CACNA2D3: variants seen among roughly 807,000 people sequenced by gnomAD.
CACNA2D3 encodes the protein calcium voltage-gated channel auxiliary subunit alpha2delta 3.
CACNA2D3 carries 60 observed loss-of-function variants against 160.6 expected under a neutral mutation model. The observed-to-expected ratio is 0.37, with a 90% CI of 0.30 to 0.46. The LOEUF is 0.46. Ranked by LOEUF, CACNA2D3 falls within the 20% of genes least tolerant of loss-of-function variation. The pLI, the probability that CACNA2D3 is intolerant of heterozygous loss-of-function variation, is 1.00. For missense variants in CACNA2D3, 1,205 were observed against 1,365.0 expected, an observed-to-expected ratio of 0.88 and a Z score of 1.85; for synonymous variants, 558 against 492.9, an observed-to-expected ratio of 1.13 and a Z score of -1.75.
At chr3:54,286,653 G>GA (rs1353173810) in intron 2 of CACNA2D3, among the ~76,000 whole-genome samples, 1 of 152,082 alleles carries the variant, frequency 6.6e-6, no homozygotes, top group African/African-American at 2.4e-5. Flanking sequence ...TGAAATGAAG[G>GA]AAAAAATGTT....
chr3:54,908,793 C>T (rs1159568510), intron 27 of CACNA2D3, among the ~76,000 whole-genome samples: 2 of 152,202 alleles, frequency 1.3e-5, no homozygotes, highest in African/African-American at 4.8e-5. Flanking sequence ...TATTGAAATG[C>T]AGCCATGCCC....
At chr3:54,692,281 A>T (rs1373801649) in intron 11 of CACNA2D3, among the ~76,000 whole-genome samples, 1 of 152,134 alleles carries the variant, frequency 6.6e-6, no homozygotes, top group East Asian at 1.9e-4. Flanking sequence ...CCCAGCCAGT[A>T]ATATTAATTT....
chr3:54,988,886 C>T (rs1348369128), intron 31 of CACNA2D3, among the ~76,000 whole-genome samples: 1 of 152,222 alleles, frequency 6.6e-6, no homozygotes, highest in East Asian at 1.9e-4. Context: ...CTTGCTTGCT[C>T]TCAGGCCTGC....
At chr3:54,188,478 T>A (rs922049354) in intron 2 of CACNA2D3, among the ~76,000 whole-genome samples, 1 of 152,220 alleles carries the variant, frequency 6.6e-6, no homozygotes, top group African/African-American at 2.4e-5. Context: ...TCCTCAGGAC[T>A]GCACCCATGC....
intron 11 of CACNA2D3, among the ~76,000 whole-genome samples, chr3:54,750,653 C>T (rs886841933): frequency 2.0e-5 from 3 of 152,170 alleles, no homozygotes; most frequent in African/African-American, 7.2e-5. Context: ...CAGTTTCTCC[C>T]CTCAATCAGA....
intron 29 of CACNA2D3, among the ~76,000 whole-genome samples, chr3:54,981,495 C>T (rs1041359875): frequency 2.1e-4 from 31 of 148,442 alleles, no homozygotes; most frequent in African/African-American, 3.0e-4. Flanking sequence ...CCATTGGGAG[C>T]GAGGGGGAGA....
intron 2 of CACNA2D3, among the ~76,000 whole-genome samples, chr3:54,128,863 AT>A (rs540927713): frequency 2.0e-5 from 3 of 152,146 alleles, no homozygotes; most frequent in East Asian, 1.9e-4. Flanking sequence ...AGCATATGTG[AT>A]TTTTTTCCCC....
In CACNA2D3 at chr3:54,972,718, C is replaced by T. The variant is rs139539108; in HGVS notation, c.2556+2874C>T. ...GTAGGTGGAGCCAGTGTGCCAGATG[C>T]TCTGCCATCTTGTAGAGGTGCATCT... On this transcript the variant is annotated intron_variant, in intron 29 of 37. Coordinates refer to ENST00000474759, the MANE Select transcript of CACNA2D3 (RefSeq NM_018398.3). 3.5e-3 allele frequency among the ~76,000 whole-genome samples: 528 copies of T among 152,296 alleles called. 3 individuals are homozygous for T. Among genetic ancestry groups the T allele is most frequent in the African/African-American group, 0.012 (499 of 41,556 alleles).
At chr3:54,678,761 A>G (rs978100001) in intron 11 of CACNA2D3, among the ~76,000 whole-genome samples, 1 of 144,484 alleles carries the variant, frequency 6.9e-6, no homozygotes, top group Non-Finnish European at 1.5e-5. Flanking sequence ...TTGATGATCA[A>G]GTTAATTAAT....
chr3:54,967,282 G>A (rs1316755657), intron 27 of CACNA2D3, among the ~76,000 whole-genome samples: 1 of 152,172 alleles, frequency 6.6e-6, no homozygotes, highest in Non-Finnish European at 1.5e-5. Flanking sequence ...AACAGCCCAA[G>A]ACCTTTATGA....
chr3:54,272,852 T>C (rs1185478825), intron 2 of CACNA2D3: 1 of 152,272 alleles, frequency 6.6e-6, no homozygotes, highest in African/African-American at 2.4e-5. Flanking sequence ...CTGTCACCAC[T>C]GGGGCACTGG....
intron 4 of CACNA2D3, among the ~76,000 whole-genome samples, chr3:54,438,506 C>T (rs34365122): frequency 0.018 from 2,756 of 152,110 alleles, 31 homozygotes; most frequent in Middle Eastern, 0.027. Context: ...ACTCCCTGGG[C>T]GATGGAAAAG....
intron 2 of CACNA2D3, among the ~76,000 whole-genome samples, chr3:54,175,087 T>G (rs900331306): frequency 2.0e-5 from 3 of 152,224 alleles, no homozygotes; most frequent in African/African-American, 7.2e-5. Context: ...AACTCTTCTT[T>G]GAGAGTTCAG....
intron 2 of CACNA2D3, among the ~76,000 whole-genome samples, chr3:54,157,835 CAAAA>C (rs5849032): frequency 0.47 from 63,696 of 134,650 alleles, 13,689 homozygotes; most frequent in South Asian, 0.59. Flanking sequence ...CCCAACCAAA[CAAAA>C]AAAAAAAAAA....
At chr3:54,492,808 G>A (rs529358085) in intron 4 of CACNA2D3, among the ~76,000 whole-genome samples, 3 of 152,222 alleles carry the variant, frequency 2.0e-5, no homozygotes, top group African/African-American at 7.2e-5. Flanking sequence ...GAAAAAACCT[G>A]TTTCCCTGTG....
intron 10 of CACNA2D3, among the ~76,000 whole-genome samples, chr3:54,629,304 C>G (rs925713867): frequency 6.6e-6 from 1 of 152,024 alleles, no homozygotes; most frequent in African/African-American, 2.4e-5. Context: ...CAGTTCATAA[C>G]TTGGATTGTG....
chr3:54,873,986 A>T lies in CACNA2D3; in HGVS notation c.1710+2364A>T, dbSNP rs183289302. 2.6e-4 allele frequency among the ~76,000 whole-genome samples: 39 copies of T among 152,282 alleles called. No individual in the cohort carries two copies. The East Asian group carries it at 7.3e-3, about 29-fold the overall frequency. On this transcript the variant is annotated intron_variant, in intron 18 of 37. Coordinates refer to ENST00000474759, the MANE Select transcript of CACNA2D3 (RefSeq NM_018398.3). ...TAGCAGAGGACAGGGTTTAGGTTGAAATCTAGGAAAGAACATGTAAGCACA... is the reference window on the plus strand; with the variant it reads ...TAGCAGAGGACAGGGTTTAGGTTGATATCTAGGAAAGAACATGTAAGCACA...
intron 35 of CACNA2D3, among the ~76,000 whole-genome samples, chr3:55,019,061 GCA>G (rs1382522813): frequency 7.8e-6 from 1 of 128,666 alleles, no homozygotes; most frequent in Non-Finnish European, 1.5e-5. Context: ...GGGACTACAG[GCA>G]CACAATGCAT....
intron 9 of CACNA2D3, among the ~76,000 whole-genome samples, chr3:54,621,590 T>C (rs962011520): frequency 2.0e-5 from 3 of 152,236 alleles, no homozygotes; most frequent in Non-Finnish European, 4.4e-5. Context: ...AAATGGTTTA[T>C]TTTAATTGAG....
Sources: allele counts gnomAD v4.1 joint callset (sites outside exome capture counted in the v4.1 genomes callset), GRCh38; gene constraint gnomAD v4.1.1; transcripts MANE v1.5; gene names NCBI Gene and HGNC (gene_info 2026-07-23, HGNC 2026-07-21).